The following DIP2B variants were observed in gnomAD, a reference collection of about 807,000 sequenced individuals.
The protein encoded by DIP2B is DIP2 acetate--CoA ligase B (putative).
Under a neutral mutation model 198.0 loss-of-function variants are expected in DIP2B, and 76 were observed. The ratio of observed to expected loss-of-function variants is 0.38; its 90% CI spans 0.32 to 0.46. The LOEUF is 0.46. Among genes scored for constraint, DIP2B ranks in the 20% least tolerant of loss-of-function variants. DIP2B has a pLI of 0.99. For synonymous variants in DIP2B, 701 were observed against 739.1 expected, an observed-to-expected ratio of 0.95 and a Z score of 0.84; for missense variants, 1,559 against 1,978.4, an observed-to-expected ratio of 0.79 and a Z score of 4.02.
At chr12:50,629,395 A>G (rs1466375241) in intron 2 of DIP2B, among the ~76,000 whole-genome samples, 1 of 152,070 alleles carries the variant, frequency 6.6e-6, no homozygotes, top group African/African-American at 2.4e-5. Context: ...TCAGGTTCAG[A>G]GTTTCTGATT....
intron 1 of DIP2B, among the ~76,000 whole-genome samples, chr12:50,554,055 A>G (rs929475645): frequency 6.6e-6 from 1 of 152,178 alleles, no homozygotes; most frequent in African/African-American, 2.4e-5. Flanking sequence ...AAGTAATTTT[A>G]TAAGTCGTCA....
intron 1 of DIP2B, among the ~76,000 whole-genome samples, chr12:50,525,316 C>T (rs996928633): frequency 2.0e-5 from 3 of 148,118 alleles, no homozygotes; most frequent in Non-Finnish European, 3.0e-5. Context: ...CGAAAGCGGG[C>T]CACTGCACTC....
At chr12:50,711,705 G>A (rs1396052455) in intron 22 of DIP2B, among the ~76,000 whole-genome samples, 1 of 152,168 alleles carries the variant, frequency 6.6e-6, no homozygotes, top group African/African-American at 2.4e-5. Context: ...GGGATTACGG[G>A]CACTCGCCAC....
At chr12:50,734,029 A>G in intron 32 of DIP2B, 106 bp from the exon 33 acceptor site, 1 of 1,202,282 alleles carries the variant, frequency 8.3e-7, no homozygotes, top group South Asian at 1.2e-5. Context: ...GAGAGGTGAA[A>G]AGAGTGTGGA....
intron 1 of DIP2B, among the ~76,000 whole-genome samples, chr12:50,543,314 CAG>C (rs1441960797): frequency 6.7e-6 from 1 of 150,148 alleles, no homozygotes; most frequent in Non-Finnish European, 1.5e-5. Flanking sequence ...ATTTTTGAGA[CAG>C]AGTCTCGCTG....
intron 1 of DIP2B, among the ~76,000 whole-genome samples, chr12:50,593,020 G>A (rs759131140): frequency 3.3e-5 from 5 of 151,708 alleles, no homozygotes; most frequent in African/African-American, 1.2e-4. Context: ...CCTATTCTCC[G>A]TACTTCCTGA....
At chr12:50,559,522 C>T (rs1325248334) in intron 1 of DIP2B, among the ~76,000 whole-genome samples, 1 of 151,952 alleles carries the variant, frequency 6.6e-6, no homozygotes, top group East Asian at 1.9e-4. Context: ...GGGAGGATTG[C>T]TTGAGCCTAG....
chr12:50,614,324 G>A (rs931225054), intron 1 of DIP2B, among the ~76,000 whole-genome samples: 3 of 151,908 alleles, frequency 2.0e-5, no homozygotes, highest in Non-Finnish European at 4.4e-5. Flanking sequence ...TGTCATCATC[G>A]TCTCCATTTC....
chr12:50,548,619 G>A (rs1377311598), intron 1 of DIP2B, among the ~76,000 whole-genome samples: 2 of 152,202 alleles, frequency 1.3e-5, no homozygotes, highest in Admixed American at 6.5e-5. Flanking sequence ...TCTGCCTCCC[G>A]GGTTCAAGGG....
intron 3 of DIP2B, among the ~76,000 whole-genome samples, chr12:50,645,131 A>C (rs1938327878): frequency 6.6e-6 from 1 of 152,232 alleles, no homozygotes; most frequent in Non-Finnish European, 1.5e-5. Context: ...ACAATTGTAT[A>C]ATCAGTATAA....
chr12:50,643,405 CTGTGTGTGTGTGTGTGTGTGTGTGTGTG>C (rs57483938), intron 3 of DIP2B, among the ~76,000 whole-genome samples: 2 of 131,094 alleles, frequency 1.5e-5, no homozygotes, highest in Admixed American at 8.0e-5. Context: ...GGGAGTTTTT[CTGTGTGTGTGTGTGTGTGTGTGTGTGTG>C]TGTGTGTGTG....
At chr12:50,744,168 A>C (rs938615404) in intron 37 of DIP2B, among the ~76,000 whole-genome samples, 6 of 152,060 alleles carry the variant, frequency 3.9e-5, no homozygotes, top group African/African-American at 1.2e-4. Context: ...AGTCTGGCTA[A>C]TTTTTGTATT....
intron 10 of DIP2B, among the ~76,000 whole-genome samples, chr12:50,684,863 G>A (rs754772706): frequency 2.0e-5 from 3 of 152,042 alleles, no homozygotes; most frequent in African/African-American, 7.2e-5. Flanking sequence ...AGGCTGAGGC[G>A]GGTGGATCAC....
At chr12:50,516,275 CGA>C (rs1269343172) in intron 1 of DIP2B, among the ~76,000 whole-genome samples, 3 of 151,598 alleles carry the variant, frequency 2.0e-5, no homozygotes, top group South Asian at 2.1e-4. Context: ...ATCTCTATAT[CGA>C]GAGAGTCTTG....
intron 1 of DIP2B, among the ~76,000 whole-genome samples, chr12:50,595,871 G>T (rs1479538743): frequency 6.6e-6 from 1 of 152,154 alleles, no homozygotes; most frequent in African/African-American, 2.4e-5. Flanking sequence ...ATATTGAAGT[G>T]CTCCCACCGT....
intron 1 of DIP2B, among the ~76,000 whole-genome samples, chr12:50,552,111 C>T (rs569956503): frequency 5.3e-5 from 8 of 152,130 alleles, no homozygotes; most frequent in Middle Eastern, 3.4e-3. Flanking sequence ...TGGTGTGAGG[C>T]GATGTCTCAT....
chr12:50,723,353 T>G (rs1939876976), intron 27 of DIP2B, 30 bp downstream of exon 27: 2 of 1,610,776 alleles, frequency 1.2e-6, no homozygotes, highest in East Asian at 4.5e-5. Context: ...TGCCTTGTCC[T>G]CATCTCCTAA....
chr12:50,587,386 A>G (rs1248579398), intron 1 of DIP2B, among the ~76,000 whole-genome samples: 1 of 152,152 alleles, frequency 6.6e-6, no homozygotes, highest in African/African-American at 2.4e-5. Flanking sequence ...TAAGATATTT[A>G]CTTGATGACT....
At chr12:50,712,865 G>A (rs1392526942) in intron 22 of DIP2B, among the ~76,000 whole-genome samples, 2 of 152,122 alleles carry the variant, frequency 1.3e-5, no homozygotes, top group African/African-American at 2.4e-5. Context: ...CTGAGATCAC[G>A]CCATCGGACT....
Sources: gnomAD v4.1 joint callset for allele counts (sites outside exome capture counted in the v4.1 genomes callset) on GRCh38, gnomAD v4.1.1 for gene constraint, MANE v1.5 for transcripts, NCBI Gene and HGNC (gene_info 2026-07-23, HGNC 2026-07-21) for gene names.